The following ZNF469 variants were observed in gnomAD, a reference collection of about 807,000 sequenced individuals.
ZNF469 encodes zinc finger protein 469.
Under a neutral mutation model 1.0 loss-of-function variants are expected in ZNF469, and 1 was observed. The observed-to-expected ratio is 1.00, with a 90% CI of 0.35 to 4.73. ZNF469 has a LOEUF of 4.73. Ranked by LOEUF, ZNF469 falls within the 30% of genes most tolerant of loss-of-function variation. The pLI is 0.16. For missense variants in ZNF469, 6,100 were observed against 5,356.3 expected, an observed-to-expected ratio of 1.14 and a Z score of -4.33; for synonymous variants, 2,703 against 2,363.4, an observed-to-expected ratio of 1.14 and a Z score of -4.17.
At chr16:88,229,603 G>GCGTGTGGATGTCA in the ZNF469 span, among the ~76,000 whole-genome samples, 69 of 65,644 alleles carry the variant, frequency 1.1e-3, no homozygotes, top group Non-Finnish European at 3.0e-3. Flanking sequence ...TGGATGTCAC[G>GCGTGTGGATGTCA]CGTGTGTGCT....
At position 88,430,423 on chromosome 16, in the gene ZNF469, G is replaced by A. The variant is rs886052399; in HGVS notation, c.2953G>A (p.Gly985Ser). The A allele has an allele frequency of 1.6e-5, 24 of 1,518,822 alleles. No homozygotes were observed. Among genetic ancestry groups the A allele is most frequent in the Admixed American group, 6.0e-5 (3 of 49,810 alleles). The allele number at this position is 1,518,822 out of a possible 1,614,324, so 94.1% of individuals were successfully genotyped here. ...ASGLRPRRNDGLGERPPPRPR... is the reference protein window; with the variant it reads ...ASGLRPRRNDSLGERPPPRPR... ...CGGCCTGAGGCCCCGGAGGAACGAC[G>A]GTCTCGGGGAGCGGCCCCCACCCCG... is the stretch of plus-strand genomic sequence containing the variant. The change falls in exon 3 of 3, where the codon GGT becomes AGT. Residue 985 changes from glycine to serine, a missense_variant. By Grantham distance (56) the Gly-to-Ser change is moderately conservative (BLOSUM62 0). Transcript: ENST00000565624.
the ZNF469 span, among the ~76,000 whole-genome samples, chr16:88,126,942 C>A: frequency 3.9e-5 from 6 of 152,148 alleles, no homozygotes; most frequent in African/African-American, 1.4e-4. Context: ...GCCTCAGCCT[C>A]CCGAGTAGCT....
chr16:88,386,842 C>T (rs986331527), intron 1 of ZNF469, among the ~76,000 whole-genome samples: 4 of 152,004 alleles, frequency 2.6e-5, no homozygotes, highest in African/African-American at 9.7e-5. Flanking sequence ...GGATGGGGCT[C>T]TGTGAAGTAG....
At chr16:88,188,952 G>A in the ZNF469 span, among the ~76,000 whole-genome samples, 1 of 152,006 alleles carries the variant, frequency 6.6e-6, no homozygotes. Context: ...CATTTAGAAT[G>A]GATGCTCAGT....
intron 1 of ZNF469, among the ~76,000 whole-genome samples, chr16:88,418,428 G>A (rs961280648): frequency 1.3e-5 from 2 of 152,150 alleles, no homozygotes; most frequent in Non-Finnish European, 2.9e-5. Context: ...ATTGGCCTTT[G>A]TGGCACAGAG....
At chr16:88,162,317 G>A in the ZNF469 span, among the ~76,000 whole-genome samples, 1 of 148,774 alleles carries the variant, frequency 6.7e-6, no homozygotes, top group Non-Finnish European at 1.5e-5. Flanking sequence ...AAAAATTGGA[G>A]GATATTTTAT....
chr16:88,272,847 C>T, the ZNF469 span, among the ~76,000 whole-genome samples: 3 of 144,602 alleles, frequency 2.1e-5, no homozygotes, highest in Admixed American at 6.9e-5. Context: ...TGTGGATAGA[C>T]GAGTGGACGG....
the ZNF469 span, among the ~76,000 whole-genome samples, chr16:88,319,160 G>A: frequency 1.3e-5 from 2 of 152,232 alleles, no homozygotes; most frequent in African/African-American, 4.8e-5. Flanking sequence ...TTTGGGGTTC[G>A]GGCTCCTCAC....
At chr16:88,294,007 G>C in the ZNF469 span, among the ~76,000 whole-genome samples, 1 of 152,334 alleles carries the variant, frequency 6.6e-6, no homozygotes, top group East Asian at 1.9e-4. Context: ...TCTCTGCCCA[G>C]CTCCGAGTGC....
At chr16:88,149,564 G>T in the ZNF469 span, among the ~76,000 whole-genome samples, 4 of 152,168 alleles carry the variant, frequency 2.6e-5, no homozygotes, top group Non-Finnish European at 5.9e-5. Context: ...AGTTTAGCAA[G>T]CAGTGGGCGA....
In ZNF469 at chr16:88,436,444, A is replaced by G. The variant is rs886052414; in HGVS notation, c.8974A>G (p.Met2992Val). ...DRPEAIPELH[M>V]VPAAWRGLEM... Reference sequence around the variant, plus strand: ...GCCGGAGGCCATTCCTGAGCTGCACATGGTCCCAGCGGCTTGGCGAGGCCT... The same window carrying G: ...GCCGGAGGCCATTCCTGAGCTGCACGTGGTCCCAGCGGCTTGGCGAGGCCT... The change falls in exon 3 of 3, where the codon ATG becomes GTG. Residue 2992 changes from methionine to valine, a missense_variant. Met to Val is a conservative substitution (Grantham distance 21). Coordinates refer to ENST00000565624, the MANE Select transcript of ZNF469 (RefSeq NM_001367624.2). 11 of 1,548,170 alleles carry G rather than the reference A, an allele frequency of 7.1e-6. No individual in the cohort carries two copies. The highest frequency in any genetic ancestry group is 9.6e-6 in the Non-Finnish European group (11 of 1,146,946).
intron 1 of ZNF469, among the ~76,000 whole-genome samples, chr16:88,385,793 C>G (rs1418368179): frequency 2.6e-5 from 4 of 152,158 alleles, no homozygotes; most frequent in Admixed American, 6.5e-5. Context: ...TGACCAAACC[C>G]CTCTGGGACT....
At chr16:88,251,803 C>G in the ZNF469 span, among the ~76,000 whole-genome samples, 1 of 151,946 alleles carries the variant, frequency 6.6e-6, no homozygotes, top group Admixed American at 6.5e-5. Context: ...AAGTGATCCA[C>G]CTGCCTCGGC....
At chr16:88,259,192 C>T in the ZNF469 span, among the ~76,000 whole-genome samples, 1 of 152,302 alleles carries the variant, frequency 6.6e-6, no homozygotes, top group Non-Finnish European at 1.5e-5. The surrounding 1 kb of genome is among the most constrained non-coding windows in gnomAD (Gnocchi z 4.1). Flanking sequence ...GGCCTCGCGG[C>T]CACCCACCGG....
intron 1 of ZNF469, among the ~76,000 whole-genome samples, chr16:88,422,278 G>GAT (rs1905489023): frequency 1.5e-4 from 2 of 13,728 alleles, no homozygotes; most frequent in African/African-American, 3.2e-4. Context: ...TGGATAGGTG[G>GAT]GTAATGGATG....
chr16:88,155,453 TGAG>T, the ZNF469 span, among the ~76,000 whole-genome samples: 1 of 152,236 alleles, frequency 6.6e-6, no homozygotes, highest in African/African-American at 2.4e-5. Flanking sequence ...CTGTCCCCAC[TGAG>T]CAGCCACTCC....
the ZNF469 span, among the ~76,000 whole-genome samples, chr16:88,367,734 C>T: frequency 6.6e-6 from 1 of 152,384 alleles, no homozygotes; most frequent in East Asian, 1.9e-4. Flanking sequence ...TCACTGGCAG[C>T]TGCTCATCGG....
Position 88,435,172 on chromosome 16 carries a change from C to T in ZNF469, c.7702C>T (p.Pro2568Ser), listed in dbSNP as rs1380196952. Residue 2568 changes from proline to serine, a missense_variant, in exon 3 of 3, where the codon CCA (proline) becomes TCA (serine). By Grantham distance (74) the Pro-to-Ser change is moderately conservative (BLOSUM62 -1). Transcript: ENST00000565624. ...SKEVLRAPGS[P>S]HSQQLHPPSP... ...GGAGGTTCTCAGAGCACCGGGGTCC[C>T]CACACAGCCAGCAGCTGCACCCTCC... is the stretch of plus-strand genomic sequence containing the variant. 6.5e-7 allele frequency: 1 copy of T among 1,550,382 alleles called. No individual in the cohort carries two copies. The highest frequency in any genetic ancestry group is 8.7e-7 in the Non-Finnish European group (1 of 1,146,974).
At chr16:88,346,806 G>T in the ZNF469 span, among the ~76,000 whole-genome samples, 1 of 152,222 alleles carries the variant, frequency 6.6e-6, no homozygotes, top group Non-Finnish European at 1.5e-5. Flanking sequence ...CTCAGGCAGC[G>T]AGCTGGCCCT....
Sources: allele counts gnomAD v4.1 joint callset (sites outside exome capture counted in the v4.1 genomes callset), GRCh38; gene constraint gnomAD v4.1.1; non-coding constraint Gnocchi (gnomAD v3.1); transcripts MANE v1.5; gene names NCBI Gene and HGNC (gene_info 2026-07-23, HGNC 2026-07-21).